Variants in OGFOD3 observed in about 807,000 individuals in gnomAD.
OGFOD3 encodes the protein 2-oxoglutarate and iron-dependent oxygenase domain-containing protein 3.
Under a neutral mutation model 39.8 loss-of-function variants are expected in OGFOD3, and 35 were observed. That is an observed-to-expected ratio of 0.88 (90% confidence interval 0.67 to 1.17). The LOEUF is 1.17. OGFOD3 is among the 50% of genes most tolerant of loss of function. OGFOD3 has a pLI of 0.00. For missense variants in OGFOD3, 438 were observed against 454.5 expected (o/e 0.96, Z 0.33); for synonymous variants, 200 against 192.0 (o/e 1.04, Z -0.34).
At chr17:82,394,331 C>G in intron 8 of OGFOD3, 2 of 1,536,226 alleles carry the variant, frequency 1.3e-6, no homozygotes, top group East Asian at 4.6e-5. Context: ...AGATTATCAC[C>G]TGCTTCCTTA....
intron 8 of OGFOD3, chr17:82,396,929 G>A (rs1356536766): frequency 6.6e-6 from 1 of 152,314 alleles, no homozygotes; most frequent in Non-Finnish European, 1.5e-5. Context: ...ACTGTGCCCA[G>A]GGCTGCGGCA....
chr17:82,407,484 C>T (rs372229107), intron 4 of OGFOD3, among the ~76,000 whole-genome samples: 21 of 152,312 alleles, frequency 1.4e-4, no homozygotes, highest in South Asian at 4.1e-4. Context: ...CCACAGTGCG[C>T]GCCACGCCAA....
At position 82,403,939 on chromosome 17, in the gene OGFOD3, T is replaced by C; in HGVS notation, c.697A>G (p.Lys233Glu). 1 of 1,602,518 alleles carries C rather than the reference T, an allele frequency of 6.2e-7. No homozygotes were observed. ...ACCCTGCCCACGGGCGCGCTCACCTTGTCCACGTGCGCATGCCAGTACTCG... is the reference window on the plus strand; with the variant it reads ...ACCCTGCCCACGGGCGCGCTCACCTCGTCCACGTGCGCATGCCAGTACTCG... ...HDEYWHAHVD[K>E]VTYGSFDYTS... The change falls in exon 7 of 9, where the codon AAG (lysine) becomes GAG (glutamate). Residue 233 changes from lysine (K) to glutamate (E), a missense_variant and splice_region_variant. By Grantham distance (56) the Lys-to-Glu change is moderately conservative. Coordinates refer to ENST00000313056, the MANE Select transcript of OGFOD3 (RefSeq NM_024648.3).
chr17:82,392,549 G>A lies in OGFOD3; in HGVS notation c.824-15C>T. On this transcript the variant is annotated splice_polypyrimidine_tract_variant and intron_variant, in intron 8 of 8. Transcript: ENST00000313056. The surrounding 1 kb of genome is among the most constrained non-coding windows in gnomAD (Gnocchi z 4.2). ...GGAGACGCGACCTGGGAGAGGAGAA[G>A]AGAGAGAGGTGGCCATAGAGCCACA... The A allele has an allele frequency of 6.4e-7, 1 of 1,574,404 alleles. No individual in the cohort carries two copies.
chr17:82,399,464 C>G (rs1295108914), intron 7 of OGFOD3, among the ~76,000 whole-genome samples: 2 of 152,220 alleles, frequency 1.3e-5, no homozygotes, highest in Admixed American at 1.3e-4. Context: ...TAATAAAATG[C>G]AGAACCTAAG....
Position 82,409,416 on chromosome 17 carries a change from G to A in OGFOD3, c.381-6C>T. ...AGAGCCCCTTTTCAGCTACGCTGCAGGGAGAAAATAATTCAGAATTTCGTT... is the reference window on the plus strand; with the variant it reads ...AGAGCCCCTTTTCAGCTACGCTGCAAGGAGAAAATAATTCAGAATTTCGTT... On this transcript the variant is annotated splice_region_variant and splice_polypyrimidine_tract_variant and intron_variant, in intron 3 of 8. Coordinates refer to ENST00000313056, the MANE Select transcript of OGFOD3 (RefSeq NM_024648.3). 1 of 1,613,782 alleles carries A rather than the reference G, an allele frequency of 6.2e-7. No individual in the cohort carries two copies. The highest frequency in any genetic ancestry group is 8.5e-7 in the Non-Finnish European group (1 of 1,179,710).
At position 82,408,902 on chromosome 17, in the gene OGFOD3, G is replaced by C. The variant is rs1029244631; in HGVS notation, c.423+466C>G. Among the ~76,000 whole-genome samples, 7 of 152,170 alleles carry C rather than the reference G, an allele frequency of 4.6e-5. No individual in the cohort carries two copies. The East Asian group carries it at 1.2e-3, about 25-fold the overall frequency. On this transcript the variant is annotated intron_variant, in intron 4 of 8. Transcript: ENST00000313056. The stretch of plus-strand genomic sequence containing the variant: ...GACCCCCTGCAGCCTCACATGGGAC[G>C]ACAGCCCCACAGGGCGTCCATGGAG...
intron 2 of OGFOD3, among the ~76,000 whole-genome samples, chr17:82,414,322 G>A (rs2052999200): frequency 6.6e-6 from 1 of 152,140 alleles, no homozygotes; most frequent in Admixed American, 6.6e-5. Context: ...TTATTTTGTA[G>A]AGATGGGGTC....
At chr17:82,400,407 C>G (rs935567630) in intron 7 of OGFOD3, among the ~76,000 whole-genome samples, 2 of 152,190 alleles carry the variant, frequency 1.3e-5, no homozygotes, top group Non-Finnish European at 2.9e-5. Context: ...GCACTGCCTT[C>G]TGTAAAAAGG....
chr17:82,411,275 G>C (rs1469664953), intron 3 of OGFOD3, among the ~76,000 whole-genome samples, 180 bp downstream of exon 3: 3 of 152,080 alleles, frequency 2.0e-5, no homozygotes, highest in Admixed American at 1.3e-4. Flanking sequence ...TCGAACTCCT[G>C]AACTCAGGCA....
chr17:82,404,792 G>A lies in OGFOD3; in HGVS notation c.545+532C>T, dbSNP rs1440129428. On this transcript the variant is annotated intron_variant, in intron 6 of 8. Transcript: ENST00000313056. The surrounding 1 kb of genome is among the most constrained non-coding windows in gnomAD (Gnocchi z 4.5). ...GGCTTGTTCTGTCACCCAGGCTGGA[G>A]TGCAGTGGTGCAATCTCAGCTCACT... Among the ~76,000 whole-genome samples the A allele has an allele frequency of 2.0e-5, 3 of 148,380 alleles. No homozygotes were observed. The highest frequency in any genetic ancestry group is 1.3e-4 in the Admixed American group (2 of 14,862).
intron 8 of OGFOD3, among the ~76,000 whole-genome samples, chr17:82,397,318 G>A (rs191738737): frequency 6.7e-6 from 1 of 148,428 alleles, no homozygotes; most frequent in Non-Finnish European, 1.5e-5. Context: ...GGACGGGTGA[G>A]GCAGCAGGGG....
At chr17:82,401,966 G>A (rs1460310909) in intron 7 of OGFOD3, among the ~76,000 whole-genome samples, 1 of 152,024 alleles carries the variant, frequency 6.6e-6, no homozygotes, top group East Asian at 1.9e-4. Context: ...GTGCTTTCTG[G>A]CTTTAATCTT....
chr17:82,403,667 G>A (rs867317828), intron 7 of OGFOD3, among the ~76,000 whole-genome samples: 1 of 152,164 alleles, frequency 6.6e-6, no homozygotes, highest in Non-Finnish European at 1.5e-5. Flanking sequence ...ACAGCAGGCG[G>A]ATGCTGCAAA....
chr17:82,402,919 G>A (rs1010292614), intron 7 of OGFOD3, among the ~76,000 whole-genome samples: 2 of 152,116 alleles, frequency 1.3e-5, no homozygotes, highest in Non-Finnish European at 2.9e-5. Flanking sequence ...CAGGCGTCGG[G>A]GCACGCACCT....
rs116051835 is a variant in OGFOD3, at chr17:82,415,602, C to G, written c.100G>C (p.Glu34Gln). ...GGCCTCTGCCACAGCCTCTGCACCT[C>G]CCGCGGGGCTCGGTCCTTCTTGGTG... ...SSTKKDRAPR[E>Q]VQRLWQRPWL... Residue 34 changes from glutamate to glutamine, a missense_variant, in exon 2 of 9, where the codon GAG becomes CAG. By Grantham distance (29) the Glu-to-Gln change is conservative. Coordinates refer to ENST00000313056, the MANE Select transcript of OGFOD3 (RefSeq NM_024648.3). This position sits in a 1 kb window ranked among gnomAD's most constrained non-coding sequence, Gnocchi z 5.3. 313 of 1,612,790 alleles carry G rather than the reference C, an allele frequency of 1.9e-4. 1 individual carries two copies. In the East Asian group the frequency reaches 5.1e-3, roughly 26 times the overall value.
At chr17:82,405,742 G>A (rs1353947404) in intron 5 of OGFOD3, among the ~76,000 whole-genome samples, 2 of 152,064 alleles carry the variant, frequency 1.3e-5, no homozygotes, top group East Asian at 1.9e-4. Context: ...TTGAGGTCAG[G>A]AATTCGAGAC....
intron 4 of OGFOD3, among the ~76,000 whole-genome samples, chr17:82,407,528 G>A (rs2052874550): frequency 6.6e-6 from 1 of 152,238 alleles, no homozygotes; most frequent in Non-Finnish European, 1.5e-5. Flanking sequence ...CACTGCTGAA[G>A]TGTTTCCTGC....
chr17:82,396,555 A>T (rs1473844242), intron 8 of OGFOD3: 1 of 152,270 alleles, frequency 6.6e-6, no homozygotes, highest in Non-Finnish European at 1.5e-5. Context: ...TGCAGGAGAC[A>T]GGTTGTTTTA....
Sources: gnomAD v4.1 joint callset for allele counts (sites outside exome capture counted in the v4.1 genomes callset) on GRCh38, gnomAD v4.1.1 for gene constraint, Gnocchi (gnomAD v3.1) non-coding constraint, MANE v1.5 for transcripts, NCBI Gene and HGNC (gene_info 2026-07-23, HGNC 2026-07-21) for gene names.